The following MACF1 variants were observed in gnomAD, a reference collection of about 807,000 sequenced individuals.
MACF1 encodes the protein microtubule-actin cross-linking factor 1.
MACF1 carries 193 observed loss-of-function variants against 854.8 expected under a neutral mutation model. The observed-to-expected ratio is 0.23, with a 90% confidence interval of 0.20 to 0.25. MACF1 has a LOEUF of 0.25. Among genes scored for constraint, MACF1 ranks in the 10% least tolerant of loss-of-function variants. MACF1 has a pLI of 1.00. For synonymous variants in MACF1, 3,185 were observed against 3,226.7 expected (o/e 0.99, Z 0.44); for missense variants, 7,722 against 8,929.1 (o/e 0.86, Z 5.45).
rs71060310 is a variant in MACF1 at position 39,331,172 on chromosome 1, C to CTT, written c.4615-4_4615-3dup. 2,291 of 1,301,680 alleles carry CTT rather than the reference C, an allele frequency of 1.8e-3. 15 individuals are homozygous for CTT. The highest frequency in any genetic ancestry group is 9.6e-3 in the African/African-American group (469 of 48,742). 80.6% of individuals were successfully genotyped at this position (1,301,680 alleles called of 1,614,324 possible). On this transcript the variant is annotated intron_variant, in intron 36 of 100. Transcript: ENST00000564288. Reference sequence around the variant, plus strand: ...TCAGTTTTCTTTTTCTTCTCTTTTCCTTTTTTTTTTTTTTTTTTTTTTTTT... The same window carrying CTT: ...TCAGTTTTCTTTTTCTTCTCTTTTCCTTTTTTTTTTTTTTTTTTTTTTTTTTT...
At chr1:39,265,685 G>A (rs1163676792) in intron 6 of MACF1, among the ~76,000 whole-genome samples, 1 of 152,194 alleles carries the variant, frequency 6.6e-6, no homozygotes, top group African/African-American at 2.4e-5. Flanking sequence ...AGTACTTGAA[G>A]TACAGTTTCT....
At chr1:39,085,280 G>A (rs185250582) in intron 2 of MACF1, among the ~76,000 whole-genome samples, 15 of 152,288 alleles carry the variant, frequency 9.8e-5, no homozygotes, top group East Asian at 1.9e-4. Context: ...ACAGTTTTTG[G>A]CTCAATAAAG....
chr1:39,134,493 C>T (rs941186477), intron 2 of MACF1, among the ~76,000 whole-genome samples: 4 of 152,136 alleles, frequency 2.6e-5, no homozygotes, highest in African/African-American at 9.7e-5. Context: ...GTATCAGATA[C>T]ATTTTCCCTC....
chr1:39,388,099 C>T lies in MACF1; in HGVS notation c.15257C>T (p.Ala5086Val), dbSNP rs1641870266. ...GAAGATGCCCCAGATGGATCTGATG[C>T]TTCTCAACTTCTCCACCAAGCTGAG... is the stretch of plus-strand genomic sequence containing the variant. ...LVEDAPDGSD[A>V]SQLLHQAEVA... Residue 5086 changes from alanine (A) to valine (V), a missense_variant, in exon 58 of 101, where the codon GCT becomes GTT. By Grantham distance (64) the Ala-to-Val change is moderately conservative. Transcript: ENST00000564288. 1 of 1,614,114 alleles carries T rather than the reference C, an allele frequency of 6.2e-7. No individual in the cohort carries two copies. Among genetic ancestry groups the T allele is most frequent in the Non-Finnish European group, 8.5e-7 (1 of 1,180,020 alleles).
intron 26 of MACF1, among the ~76,000 whole-genome samples, chr1:39,314,878 C>T (rs1480408177): frequency 1.3e-5 from 2 of 152,112 alleles, no homozygotes; most frequent in Non-Finnish European, 2.9e-5. Flanking sequence ...ATCTATAGTT[C>T]GAATACTGAG....
chr1:39,393,193 A>AT (rs1475358337), intron 58 of MACF1, among the ~76,000 whole-genome samples: 2,453 of 102,832 alleles, frequency 0.024, 27 homozygotes, highest in Non-Finnish European at 0.033. Context: ...AAAAAAAAAA[A>AT]AAAATATATA....
At position 39,134,092 on chromosome 1, in the gene MACF1, G is replaced by A. The variant is rs552526419; in HGVS notation, c.220+49654G>A. On this transcript the variant is annotated intron_variant, in intron 2 of 93. Transcript: ENST00000361689. ...GTCTCGCTCTGTCCGCCAGGCTAGA[G>A]TGCAGTGGCGGGATCTCAGCTCACT... Among the ~76,000 whole-genome samples, 12 of 130,154 alleles carry A rather than the reference G, an allele frequency of 9.2e-5. No homozygotes were observed. In the East Asian group the frequency reaches 3.0e-3, roughly 33 times the overall value. The allele number at this position is 130,154 out of a possible 152,430, so 85.4% of individuals were successfully genotyped here.
chr1:39,135,706 T>A (rs1643148847), intron 2 of MACF1, among the ~76,000 whole-genome samples: 1 of 152,140 alleles, frequency 6.6e-6, no homozygotes, highest in Admixed American at 6.5e-5. Flanking sequence ...ATGATGGACC[T>A]ACTGAACCCT....
Position 39,480,282 on chromosome 1 carries a change from C to G in MACF1, c.22170+273C>G, listed in dbSNP as rs578059318. Among the ~76,000 whole-genome samples the G allele has an allele frequency of 3.3e-5, 5 of 152,202 alleles. No homozygotes were observed. The South Asian group carries it at 8.3e-4, about 25-fold the overall frequency. On this transcript the variant is annotated intron_variant, in intron 98 of 100. Coordinates refer to ENST00000564288, the MANE Select transcript of MACF1 (RefSeq NM_001394062.1). The stretch of plus-strand genomic sequence containing the variant: ...TCAGAAATGTTTATTTCCTCATGTT[C>G]TCAGTTTAAGTTTGAGCCCATCCAG...
intron 2 of MACF1, among the ~76,000 whole-genome samples, chr1:39,185,875 A>G (rs1644162486): frequency 6.6e-6 from 1 of 152,082 alleles, no homozygotes; most frequent in Non-Finnish European, 1.5e-5. Flanking sequence ...TTTAACCTGA[A>G]GTGCTGAAGG....
At position 39,436,508 on chromosome 1, in the gene MACF1, A is replaced by T. The variant is rs751068169; in HGVS notation, c.17988+747A>T. The T allele has an allele frequency of 5.6e-6, 9 of 1,612,238 alleles. No individual in the cohort carries two copies. The South Asian group carries it at 8.8e-5, about 16-fold the overall frequency. ...TTACAGAGGTAAGGTACCCATCCCC[A>T]TTGGGACTAGGGTGTTCTTATAATG... On this transcript the variant is annotated intron_variant, in intron 70 of 100. Coordinates refer to ENST00000564288, the MANE Select transcript of MACF1 (RefSeq NM_001394062.1).
rs760396406 is a variant in MACF1, at chr1:39,284,422, A to G, written c.1125A>G (p.Leu375=). The G allele has an allele frequency of 4.4e-6, 7 of 1,586,648 alleles. No homozygotes were observed. The highest frequency in any genetic ancestry group is 1.1e-5 in the South Asian group (1 of 87,284). The change falls in exon 11 of 101, where the codon TTA becomes TTG. Residue 375 remains leucine, a synonymous_variant. Coordinates refer to ENST00000564288, the MANE Select transcript of MACF1 (RefSeq NM_001394062.1). ...EKGRIEELYK[L]LEVWIEFGRI... ...GAAGAATTGAGGAATTATATAAATTACTAGAGGTAAGTGAGCTTATCCTTT... is the reference window on the plus strand; with the variant it reads ...GAAGAATTGAGGAATTATATAAATTGCTAGAGGTAAGTGAGCTTATCCTTT...
chr1:39,358,042 C>A (rs996339947), intron 45 of MACF1, 149 bp downstream of exon 45: 7 of 832,098 alleles, frequency 8.4e-6, no homozygotes, highest in Non-Finnish European at 1.3e-5. Flanking sequence ...TCTTCACAAA[C>A]AATGCACAAA....
At chr1:39,251,063 G>T (rs1645035222) in intron 3 of MACF1, among the ~76,000 whole-genome samples, 2 of 152,168 alleles carry the variant, frequency 1.3e-5, no homozygotes, top group African/African-American at 4.8e-5. Context: ...ATTGTTTGTT[G>T]TGTTTAAGTA....
chr1:39,349,375 C>T, intron 41 of MACF1, 103 bp from the exon 42 acceptor site: 4 of 1,244,830 alleles, frequency 3.2e-6, no homozygotes, highest in Non-Finnish European at 4.5e-6. Context: ...CCAACTTTTC[C>T]ATCCTTGAGA....
intron 65 of MACF1, among the ~76,000 whole-genome samples, chr1:39,430,437 G>A (rs1315432915): frequency 6.6e-6 from 1 of 152,040 alleles, no homozygotes; most frequent in East Asian, 1.9e-4. Context: ...TTCTGTTGAA[G>A]TAAGGAGATG....
rs939610903 is a variant in MACF1, at chr1:39,331,200, T to C, written c.4615-3T>C. On this transcript the variant is annotated splice_region_variant and splice_polypyrimidine_tract_variant and intron_variant, in intron 36 of 100. Transcript: ENST00000564288. ...TTTTTTTTTTTTTTTTTTTTTTTTT[T>C]AGGAATGCAGAGCAGTTGCTGGGGT... The C allele has an allele frequency of 2.0e-5, 23 of 1,122,946 alleles. No homozygotes were observed. In the African/African-American group the frequency reaches 3.4e-4, roughly 16 times the overall value. The allele number at this position is 1,122,946 out of a possible 1,614,324, so 69.6% of individuals were successfully genotyped here.
intron 6 of MACF1, among the ~76,000 whole-genome samples, chr1:39,267,940 G>A (rs557849178): frequency 1.3e-5 from 2 of 152,258 alleles, no homozygotes; most frequent in African/African-American, 4.8e-5. Context: ...TTTCTTAACT[G>A]TAAGAAGAAG....
rs554841662 is a variant in MACF1, at chr1:39,195,938, G to T, written c.221-35244G>T. Among the ~76,000 whole-genome samples the T allele has an allele frequency of 3.7e-4, 56 of 152,262 alleles. 1 individual carries two copies. Among genetic ancestry groups the T allele is most frequent in the Admixed American group, 3.3e-3 (50 of 15,278 alleles). Reference sequence around the variant, plus strand: ...GTGAGGTAAGTTATCAGTTGCCAAGGTTTCGTACAGTCTGAGCAATATTCA... The same window carrying T: ...GTGAGGTAAGTTATCAGTTGCCAAGTTTTCGTACAGTCTGAGCAATATTCA... On this transcript the variant is annotated intron_variant, in intron 2 of 93. Coordinates refer to the MACF1 transcript ENST00000361689.
Sources: gnomAD v4.1 joint callset for allele counts (sites outside exome capture counted in the v4.1 genomes callset) on GRCh38, gnomAD v4.1.1 for gene constraint, MANE v1.5 for transcripts, NCBI Gene and HGNC (gene_info 2026-07-23, HGNC 2026-07-21) for gene names.